Variants in PATL1 observed in about 807,000 individuals in gnomAD.
PATL1 encodes PAT1 homolog 1, processing body mRNA decay factor, also known as protein PAT1 homolog 1.
PATL1 carries 32 observed loss-of-function variants against 100.6 expected under a neutral mutation model. The observed-to-expected ratio is 0.32, with a 90% CI of 0.24 to 0.43. PATL1 has a LOEUF of 0.43. Among genes scored for constraint, PATL1 ranks in the 20% least tolerant of loss-of-function variants. The pLI, the probability that PATL1 is intolerant of heterozygous loss-of-function variation, is 1.00. For missense variants in PATL1, 747 were observed against 949.9 expected (o/e 0.79, Z 2.81); for synonymous variants, 332 against 330.0 (o/e 1.01, Z -0.07).
rs1590694455 is a variant in PATL1, at chr11:59,643,518, G to A, written c.1894-483C>T. 4.0e-5 allele frequency among the ~76,000 whole-genome samples: 6 copies of A among 151,660 alleles called. No homozygotes were observed. In the South Asian group the frequency reaches 1.2e-3, roughly 32 times the overall value. On this transcript the variant is annotated intron_variant, in intron 15 of 18. Transcript: ENST00000300146. ...CAGGCCAGGAGTTCAAGACTAGTCT[G>A]GACAACGTAGTGAGACCTCATCTCT... is the stretch of plus-strand genomic sequence containing the variant.
At chr11:59,645,158 GAA>G (rs1861343873) in intron 15 of PATL1, among the ~76,000 whole-genome samples, 1 of 130,196 alleles carries the variant, frequency 7.7e-6, no homozygotes, top group African/African-American at 2.9e-5. Flanking sequence ...AGAACAAAAT[GAA>G]AAGTCTCCCA....
In PATL1 at chr11:59,651,641, A is replaced by G. The variant is rs1286729248; in HGVS notation, c.1427T>C (p.Val476Ala). 6.3e-7 allele frequency: 1 copy of G among 1,583,246 alleles called. No individual in the cohort carries two copies. Among genetic ancestry groups the G allele is most frequent in the Non-Finnish European group, 8.6e-7 (1 of 1,165,078 alleles). ...VAKLEHAYKP[V>A]QFEGSLGKLT... ...CTTTCCCAAAGAGCCCTCAAATTGC[A>G]CTGCAAAGACAAAAAAAAAAAAAAT... The change falls in exon 12 of 19, where the codon GTG becomes GCG. Residue 476 changes from valine (V) to alanine (A), a missense_variant and splice_region_variant. Val to Ala is a moderately conservative substitution (Grantham distance 64). Transcript: ENST00000300146.
chr11:59,656,640 T>G, intron 5 of PATL1, 40 bp from the exon 6 acceptor site: 1 of 1,561,610 alleles, frequency 6.4e-7, no homozygotes, highest in Non-Finnish European at 8.8e-7. Flanking sequence ...CTCAATGAAA[T>G]CAGTTTTTCT....
chr11:59,648,191 T>TC (rs1176751896), intron 14 of PATL1, among the ~76,000 whole-genome samples: 1 of 149,668 alleles, frequency 6.7e-6, no homozygotes, highest in African/African-American at 2.4e-5. Flanking sequence ...TTTTCTTTTT[T>TC]TTTTTTTTTT....
chr11:59,662,211 C>T (rs2134760227), intron 2 of PATL1, among the ~76,000 whole-genome samples: 1 of 152,282 alleles, frequency 6.6e-6, no homozygotes, highest in East Asian at 1.9e-4. Flanking sequence ...GTAAGGGATT[C>T]CTTAAGTTGT....
chr11:59,638,430 G>T lies in PATL1; in HGVS notation c.2292-19C>A. 6.2e-7 allele frequency: 1 copy of T among 1,605,680 alleles called. No homozygotes were observed. Among genetic ancestry groups the T allele is most frequent in the African/African-American group, 1.3e-5 (1 of 74,696 alleles). ...AACTAGCCTAGGAGTACAAAGGAGAGAAAGGAAAATTGTATAAATGAGTTA... is the reference window on the plus strand; with the variant it reads ...AACTAGCCTAGGAGTACAAAGGAGATAAAGGAAAATTGTATAAATGAGTTA... On this transcript the variant is annotated intron_variant, in intron 18 of 18. Transcript: ENST00000300146.
At chr11:59,657,496 T>C (rs749874593) in intron 5 of PATL1, 34 bp downstream of exon 5, 6 of 1,444,066 alleles carry the variant, frequency 4.2e-6, no homozygotes, top group East Asian at 2.4e-5. Context: ...AGATTCCCAA[T>C]ATCCTGGGCT....
chr11:59,659,046 CT>C, intron 3 of PATL1, 100 bp from the exon 4 acceptor site: 1 of 1,139,570 alleles, frequency 8.8e-7, no homozygotes, highest in Non-Finnish European at 1.3e-6. Flanking sequence ...CCTCAAGCTG[CT>C]TTAGAATACG....
intron 16 of PATL1, among the ~76,000 whole-genome samples, chr11:59,641,519 G>A (rs1160178223): frequency 1.3e-5 from 2 of 152,042 alleles, no homozygotes; most frequent in African/African-American, 2.4e-5. Context: ...TTGGGAGGTC[G>A]AGGCAGGCTG....
chr11:59,668,672 G>A (rs2134767640), intron 1 of PATL1, among the ~76,000 whole-genome samples: 1 of 152,172 alleles, frequency 6.6e-6, no homozygotes, highest in East Asian at 1.9e-4. Context: ...TTCCCCAGCG[G>A]CAACTAATGG....
chr11:59,649,591 T>G lies in PATL1; in HGVS notation c.1604A>C (p.Asp535Ala). 1 of 1,613,004 alleles carries G rather than the reference T, an allele frequency of 6.2e-7. No individual in the cohort carries two copies. The highest frequency in any genetic ancestry group is 1.1e-5 in the South Asian group (1 of 90,834). Residue 535 changes from aspartate (D) to alanine (A), a missense_variant, in exon 14 of 19, where the codon GAT becomes GCT. By Grantham distance (126) the Asp-to-Ala change is moderately radical. Coordinates refer to ENST00000300146, the MANE Select transcript of PATL1 (RefSeq NM_152716.3). The part of the protein sequence containing the change: ...IIEKTYSLLL[D>A]VEDYERRYLL... ...ATAACGTCTTTCATAGTCCTCCACA[T>G]CAAGGAGTAAGCTGTAGGTCTAAGA...
chr11:59,649,885 G>T (rs991099989), intron 13 of PATL1, among the ~76,000 whole-genome samples: 4 of 152,136 alleles, frequency 2.6e-5, no homozygotes, highest in Admixed American at 1.3e-4. Context: ...ACTTTGGGAG[G>T]CTGAGATGGG....
At position 59,668,890 on chromosome 11, in the gene PATL1, G is replaced by T. The variant is rs966451728; in HGVS notation, c.6C>A (p.Phe2Leu). Reference protein sequence around the residue: MFRYESLEDCPL... With the variant: MLRYESLEDCPL... ...GGTCGCAACAGCTCACCTCGTAGCGGAACATTCTTGGGGAGGGGGGCAGGG... is the reference window on the plus strand; with the variant it reads ...GGTCGCAACAGCTCACCTCGTAGCGTAACATTCTTGGGGAGGGGGGCAGGG... Residue 2 changes from phenylalanine to leucine, a missense_variant, in exon 1 of 19, where the codon TTC becomes TTA. Physicochemically the swap from Phe to Leu is conservative, Grantham distance 22. Transcript: ENST00000300146. 6.5e-6 allele frequency: 7 copies of T among 1,077,244 alleles called. No homozygotes were observed. In the African/African-American group the frequency reaches 8.4e-5, roughly 13 times the overall value. 66.7% of individuals were successfully genotyped at this position (1,077,244 alleles called of 1,614,324 possible).
intron 16 of PATL1, among the ~76,000 whole-genome samples, chr11:59,640,303 T>C (rs1040034794): frequency 4.1e-5 from 6 of 148,084 alleles, no homozygotes; most frequent in Non-Finnish European, 8.9e-5. Flanking sequence ...ATCGCACCAT[T>C]GCGCTCCAGC....
chr11:59,650,955 G>GT (rs1861435974), intron 12 of PATL1, 142 bp from the exon 13 acceptor site: 7 of 624,074 alleles, frequency 1.1e-5, no homozygotes, highest in Non-Finnish European at 1.9e-5. Flanking sequence ...AACAACCCTA[G>GT]TATGAACAAA....
At chr11:59,654,560 A>G (rs1023899972) in intron 8 of PATL1, among the ~76,000 whole-genome samples, 1 of 151,956 alleles carries the variant, frequency 6.6e-6, no homozygotes, top group Non-Finnish European at 1.5e-5. Flanking sequence ...ATATTTTTAC[A>G]TATCTTCTAC....
In PATL1 at chr11:59,643,024, G is replaced by A. The variant is rs373652516; in HGVS notation, c.1905C>T (p.Cys635=). Residue 635 remains cysteine, a synonymous_variant, in exon 16 of 19, where the codon TGC becomes TGT. Coordinates refer to ENST00000300146, the MANE Select transcript of PATL1 (RefSeq NM_152716.3). The part of the protein sequence containing the change: ...KKDAQDEVLP[C]LLSPFSLLLY... Reference sequence around the variant, plus strand: ...GAAGGAGAGAGAAGGGACTCAGTAAGCATGGCAGCACCTACAAAAAACAAA... The same window carrying A: ...GAAGGAGAGAGAAGGGACTCAGTAAACATGGCAGCACCTACAAAAAACAAA... 436 of 1,613,890 alleles carry A rather than the reference G, an allele frequency of 2.7e-4. 2 individuals are homozygous for A. In the African/African-American group the frequency reaches 5.3e-3, roughly 20 times the overall value.
intron 15 of PATL1, among the ~76,000 whole-genome samples, chr11:59,643,354 T>A (rs1861314143): frequency 6.6e-6 from 1 of 152,010 alleles, no homozygotes; most frequent in Non-Finnish European, 1.5e-5. Context: ...CACTACACCA[T>A]GGGCTAAAAA....
chr11:59,656,444 A>C, intron 6 of PATL1, 55 bp downstream of exon 6: 1 of 1,436,750 alleles, frequency 7.0e-7, no homozygotes, highest in East Asian at 2.3e-5. Context: ...TGATCTTACA[A>C]ATAGTGATCA....
Sources: allele counts gnomAD v4.1 joint callset (sites outside exome capture counted in the v4.1 genomes callset), GRCh38; gene constraint gnomAD v4.1.1; transcripts MANE v1.5; gene names NCBI Gene and HGNC (gene_info 2026-07-23, HGNC 2026-07-21).